MEGF8: variants seen among roughly 807,000 people sequenced by gnomAD.
The protein encoded by MEGF8 is multiple epidermal growth factor-like domains protein 8.
MEGF8 carries 156 observed loss-of-function variants against 302.9 expected under a neutral mutation model. That is an observed-to-expected ratio of 0.52 (90% CI 0.45 to 0.59). The LOEUF (loss-of-function observed/expected upper bound fraction) is 0.59, where lower values mean the gene tolerates loss of function less well. MEGF8 is among the 20% of genes least tolerant of loss of function. The pLI, the probability that MEGF8 is intolerant of heterozygous loss-of-function variation, is 0.00. For synonymous variants in MEGF8, 1,621 were observed against 1,660.5 expected, an observed-to-expected ratio of 0.98 and a Z score of 0.58; for missense variants, 3,345 against 3,964.5, an observed-to-expected ratio of 0.84 and a Z score of 4.20.
intron 8 of MEGF8, among the ~76,000 whole-genome samples, chr19:42,340,148 A>T (rs2039191865): frequency 6.6e-6 from 1 of 152,212 alleles, no homozygotes; most frequent in Non-Finnish European, 1.5e-5. Flanking sequence ...ATGCCATTGG[A>T]TAGCTGTAAG....
chr19:42,356,432 G>T lies in MEGF8; in HGVS notation c.4601G>T (p.Gly1534Val). The T allele has an allele frequency of 1.2e-6, 2 of 1,606,604 alleles. No homozygotes were observed. Among genetic ancestry groups the T allele is most frequent in the Non-Finnish European group, 1.7e-6 (2 of 1,176,870 alleles). Residue 1534 changes from glycine to valine, a missense_variant, in exon 26 of 42, where the codon GGG (glycine) becomes GTG (valine). Gly to Val is a moderately radical substitution (Grantham distance 109, BLOSUM62 -3). Transcript: ENST00000251268. This position sits in a 1 kb window ranked among gnomAD's most constrained non-coding sequence, Gnocchi z 5.2. ...WMFGGLGLPQ[G>V]LLGNLYRYSV... The stretch of plus-strand genomic sequence containing the variant: ...TTTGGGGGCCTGGGCCTGCCCCAGG[G>T]GCTGCTGGGAAACCTGTACAGGTGA...
At position 42,371,492 on chromosome 19, in the gene MEGF8, C is replaced by T; in HGVS notation, c.7269+10C>T. ...CTGCTACAAGTACCAGGTGCGGCTG[C>T]AGAAGCTAGTGGTGGGCCGAGGGCC... On this transcript the variant is annotated intron_variant, in intron 41 of 41. Transcript: ENST00000251268. 3 of 1,613,696 alleles carry T rather than the reference C, an allele frequency of 1.9e-6. No homozygotes were observed. Among genetic ancestry groups the T allele is most frequent in the Non-Finnish European group, 2.5e-6 (3 of 1,179,854 alleles).
chr19:42,342,932 C>T (rs575120955), intron 8 of MEGF8, among the ~76,000 whole-genome samples: 2 of 152,262 alleles, frequency 1.3e-5, no homozygotes, highest in Non-Finnish European at 1.5e-5. Context: ...GCTAAGGCCT[C>T]ACTTCTGCCA....
Position 42,376,610 on chromosome 19 carries a change from C to T in MEGF8, c.8373C>T (p.Pro2791=), listed in dbSNP as rs374532854. Residue 2791 remains proline, a synonymous_variant, in exon 42 of 42, where the codon CCC becomes CCT. Coordinates refer to ENST00000251268, the MANE Select transcript of MEGF8 (RefSeq NM_001271938.2). This position sits in a 1 kb window ranked among gnomAD's most constrained non-coding sequence, Gnocchi z 8.2. The part of the protein sequence containing the change: ...ATLLLQLPGG[P]HAPNGACLGS... Reference sequence around the variant, plus strand: ...TGCTGCTCCAGCTGCCTGGCGGGCCCCATGCACCCAACGGCGCCTGCCTGG... The same window carrying T: ...TGCTGCTCCAGCTGCCTGGCGGGCCTCATGCACCCAACGGCGCCTGCCTGG... The T allele has an allele frequency of 3.2e-5, 50 of 1,547,258 alleles. No homozygotes were observed. In the African/African-American group the frequency reaches 5.9e-4, roughly 18 times the overall value.
At chr19:42,349,415 A>G (rs1208170185) in intron 13 of MEGF8, 84 bp from the exon 14 acceptor site, 27 of 1,218,064 alleles carry the variant, frequency 2.2e-5, no homozygotes, top group Non-Finnish European at 2.7e-5. Flanking sequence ...GGTGGGGTAC[A>G]GGGTGGGTTT....
intron 1 of MEGF8, among the ~76,000 whole-genome samples, chr19:42,332,853 G>T (rs547623639): frequency 6.6e-6 from 1 of 152,310 alleles, no homozygotes; most frequent in Non-Finnish European, 1.5e-5. Context: ...ACTTTCAATG[G>T]CAGGAGTGGC....
At position 42,353,476 on chromosome 19, in the gene MEGF8, G is replaced by C; in HGVS notation, c.3562G>C (p.Gly1188Arg). 6.2e-7 allele frequency: 1 copy of C among 1,610,572 alleles called. No individual in the cohort carries two copies. Among genetic ancestry groups the C allele is most frequent in the South Asian group, 1.1e-5 (1 of 90,734 alleles). Reference protein sequence around the residue: ...FCDECQDWTWGEHCERCRPGS... With the variant: ...FCDECQDWTWREHCERCRPGS... Reference sequence around the variant, plus strand: ...TGGGGCCTCCACAGACTGGACATGGGGGGAGCACTGCGAACGATGCCGGCC... The same window carrying C: ...TGGGGCCTCCACAGACTGGACATGGCGGGAGCACTGCGAACGATGCCGGCC... The change falls in exon 21 of 42, where the codon GGG becomes CGG. Residue 1188 changes from glycine (G) to arginine (R), a missense_variant. By Grantham distance (125) the Gly-to-Arg change is moderately radical. Transcript: ENST00000251268. The surrounding 1 kb of genome is among the most constrained non-coding windows in gnomAD (Gnocchi z 6.1).
Position 42,375,808 on chromosome 19 carries a change from T to C in MEGF8, c.7571T>C (p.Val2524Ala). 2 of 1,612,546 alleles carry C rather than the reference T, an allele frequency of 1.2e-6. No homozygotes were observed. Among genetic ancestry groups the C allele is most frequent in the Non-Finnish European group, 1.7e-6 (2 of 1,179,758 alleles). ...GCCCCTGACACTGGCGTCCATACTG[T>C]ACACATCCAGCCACCCCCAGCCCCA... ...RVAPDTGVHT[V>A]HIQPPPAPPP... Residue 2524 changes from valine to alanine, a missense_variant, in exon 42 of 42, where the codon GTA (valine) becomes GCA (alanine). Physicochemically the swap from Val to Ala is moderately conservative, Grantham distance 64. Coordinates refer to ENST00000251268, the MANE Select transcript of MEGF8 (RefSeq NM_001271938.2). This position sits in a 1 kb window ranked among gnomAD's most constrained non-coding sequence, Gnocchi z 7.1.
chr19:42,362,966 T>G, intron 34 of MEGF8, 82 bp from the exon 35 acceptor site: 26 of 1,224,428 alleles, frequency 2.1e-5, no homozygotes, highest in Middle Eastern at 2.7e-4. Context: ...GGGCTGGGCC[T>G]GAGCTCCTGG....
chr19:42,353,846 GC>G lies in MEGF8; in HGVS notation c.3834del (p.Ser1279HisfsTer60), dbSNP rs777587948. The G allele has an allele frequency of 6.2e-7, 1 of 1,609,720 alleles. No individual in the cohort carries two copies. The highest frequency in any genetic ancestry group is 8.5e-7 in the Non-Finnish European group (1 of 1,178,222). ...LLTNVSSVAL[G>X]SRRVGGLLPP... Reference sequence around the variant, plus strand: ...ACCAACGTGTCCTCAGTGGCACTGGGCTCACGCCGGGTCGGGGGGCTGCTGC... The same window carrying G: ...ACCAACGTGTCCTCAGTGGCACTGGGTCACGCCGGGTCGGGGGGCTGCTGC... On this transcript the variant is annotated frameshift_variant, in exon 22 of 42. Coordinates refer to ENST00000251268, the MANE Select transcript of MEGF8 (RefSeq NM_001271938.2). LOFTEE classifies it high-confidence loss of function. This position sits in a 1 kb window ranked among gnomAD's most constrained non-coding sequence, Gnocchi z 6.1.
At chr19:42,371,933 A>G (rs991443570) in intron 41 of MEGF8, among the ~76,000 whole-genome samples, 1 of 151,914 alleles carries the variant, frequency 6.6e-6, no homozygotes, top group Non-Finnish European at 1.5e-5. Flanking sequence ...AAAATTTAAA[A>G]ATTAGCCTGG....
In MEGF8 at chr19:42,356,117, G is replaced by A; in HGVS notation, c.4427G>A (p.Gly1476Glu). ...LGVCICAEGFGGPDCATKLDG... is the reference protein window; with the variant it reads ...LGVCICAEGFEGPDCATKLDG... ...GTGTGCATCTGTGCCGAGGGCTTCG[G>A]GGGCCCCGACTGCGCCACCAAGCTG... The change falls in exon 25 of 42, where the codon GGG becomes GAG. Residue 1476 changes from glycine to glutamate, a missense_variant. Coordinates refer to ENST00000251268, the MANE Select transcript of MEGF8 (RefSeq NM_001271938.2). The surrounding 1 kb of genome is among the most constrained non-coding windows in gnomAD (Gnocchi z 5.2). 6.3e-7 allele frequency: 1 copy of A among 1,585,874 alleles called. No homozygotes were observed. The highest frequency in any genetic ancestry group is 8.6e-7 in the Non-Finnish European group (1 of 1,164,396).
At position 42,335,466 on chromosome 19, in the gene MEGF8, A is replaced by T. The variant is rs181937474; in HGVS notation, c.828+81A>T. On this transcript the variant is annotated intron_variant, in intron 5 of 41. Coordinates refer to ENST00000251268, the MANE Select transcript of MEGF8 (RefSeq NM_001271938.2). ...GGGACCCCCGGAATGATCCCCTATC[A>T]CCTAGTGCTCCCACAGTTCCTGCAG... The T allele has an allele frequency of 1.6e-5, 20 of 1,274,144 alleles. No individual in the cohort carries two copies. The African/African-American group carries it at 2.8e-4, about 18-fold the overall frequency. 78.9% of individuals were successfully genotyped at this position (1,274,144 alleles called of 1,614,324 possible).
In MEGF8 at chr19:42,375,500, C is replaced by T; in HGVS notation, c.7270-7C>T. The T allele has an allele frequency of 6.4e-7, 1 of 1,569,770 alleles. No homozygotes were observed. On this transcript the variant is annotated splice_polypyrimidine_tract_variant and splice_region_variant and intron_variant, in intron 41 of 41. Coordinates refer to ENST00000251268, the MANE Select transcript of MEGF8 (RefSeq NM_001271938.2). The surrounding 1 kb of genome is among the most constrained non-coding windows in gnomAD (Gnocchi z 7.1). ...CTGATGGTCACCGCCTCTAACCCTG[C>T]CCGCAGTGCGCCAAGTGCCGGGAAT...
Position 42,357,509 on chromosome 19 carries a change from A to G in MEGF8, c.4936A>G (p.Asn1646Asp). The G allele has an allele frequency of 6.2e-7, 1 of 1,613,628 alleles. No individual in the cohort carries two copies. The highest frequency in any genetic ancestry group is 8.5e-7 in the Non-Finnish European group (1 of 1,179,770). Reference sequence around the variant, plus strand: ...CGGTTACTCCCCGGAAAATGGCTTCAACCAGCAGCTGCTGGAGTACCAGCT... The same window carrying G: ...CGGTTACTCCCCGGAAAATGGCTTCGACCAGCAGCTGCTGGAGTACCAGCT... Reference protein sequence around the residue: ...VGGYSPENGFNQQLLEYQLAT... With the variant: ...VGGYSPENGFDQQLLEYQLAT... Residue 1646 changes from asparagine (N) to aspartate (D), a missense_variant, in exon 28 of 42, where the codon AAC becomes GAC. Transcript: ENST00000251268. The surrounding 1 kb of genome is among the most constrained non-coding windows in gnomAD (Gnocchi z 5.2).
Position 42,376,642 on chromosome 19 carries a change from C to T in MEGF8, c.8405C>T (p.Ala2802Val). The change falls in exon 42 of 42, where the codon GCC becomes GTC. Residue 2802 changes from alanine to valine, a missense_variant. Transcript: ENST00000251268. This position sits in a 1 kb window ranked among gnomAD's most constrained non-coding sequence, Gnocchi z 8.2. ...HAPNGACLGS[A>V]LVTLRHRLHE... ...CCCAACGGCGCCTGCCTGGGGTCAGCCCTCGTCACACTGCGGCACAGGCTG... is the reference window on the plus strand; with the variant it reads ...CCCAACGGCGCCTGCCTGGGGTCAGTCCTCGTCACACTGCGGCACAGGCTG... The T allele has an allele frequency of 1.3e-6, 2 of 1,541,138 alleles. No homozygotes were observed. The highest frequency in any genetic ancestry group is 1.2e-5 in the South Asian group (1 of 83,476).
rs187224167 is a variant in MEGF8, at chr19:42,342,217, C to A, written c.1514-1260C>A. Among the ~76,000 whole-genome samples, 15 of 152,302 alleles carry A rather than the reference C, an allele frequency of 9.8e-5. No individual in the cohort carries two copies. The East Asian group carries it at 2.9e-3, about 29-fold the overall frequency. The stretch of plus-strand genomic sequence containing the variant: ...CAGTTTGTGATTACCTGGGCCAAGT[C>A]CCACACGTTTACAGTGCACGCAGGT... On this transcript the variant is annotated intron_variant, in intron 8 of 41. Coordinates refer to ENST00000251268, the MANE Select transcript of MEGF8 (RefSeq NM_001271938.2).
At chr19:42,348,011 G>A (rs8099885) in intron 12 of MEGF8, among the ~76,000 whole-genome samples, 2,316 of 152,264 alleles carry the variant, frequency 0.015, 60 homozygotes, top group African/African-American at 0.051. Flanking sequence ...GTCCAGTCCT[G>A]GAGTTTTAAT....
In MEGF8 at chr19:42,336,971, C is replaced by T. The variant is rs376710031; in HGVS notation, c.1390+19C>T. 1.2e-6 allele frequency: 2 copies of T among 1,612,540 alleles called. No individual in the cohort carries two copies. The highest frequency in any genetic ancestry group is 1.7e-6 in the Non-Finnish European group (2 of 1,179,290). ...GTCTATGGTGAGGAGGCTCCCCAAT[C>T]CTGCCTGCCTGCCTGCTGAGGGCCT... On this transcript the variant is annotated intron_variant, in intron 7 of 41. Transcript: ENST00000251268. This position sits in a 1 kb window ranked among gnomAD's most constrained non-coding sequence, Gnocchi z 4.8.
Sources: allele counts gnomAD v4.1 joint callset (sites outside exome capture counted in the v4.1 genomes callset), GRCh38; gene constraint gnomAD v4.1.1; non-coding constraint Gnocchi (gnomAD v3.1); transcripts MANE v1.5; gene names NCBI Gene and HGNC (gene_info 2026-07-23, HGNC 2026-07-21).